Variants in BRD1 observed in about 807,000 individuals in gnomAD.
BRD1 encodes bromodomain-containing protein 1.
Under a neutral mutation model 107.7 loss-of-function variants are expected in BRD1, and 24 were observed. The observed-to-expected ratio is 0.22, with a 90% CI of 0.16 to 0.31. BRD1 has a LOEUF of 0.31. Ranked by LOEUF, BRD1 falls within the 10% of genes least tolerant of loss-of-function variation. The probability of loss-of-function intolerance (pLI) is 1.00; values close to 1 mark genes in which losing one functional copy is unlikely to be tolerated. For missense variants in BRD1, 1,279 were observed against 1,638.6 expected (o/e 0.78, Z 3.79); for synonymous variants, 744 against 686.1 (o/e 1.08, Z -1.32).
Position 49,818,351 on chromosome 22 carries a change from T to G in BRD1, c.1367+4600A>C, listed in dbSNP as rs922788843. ...GTCTGCCTGCTGATCACAGTCTCTT[T>G]TAAGACACTTTCTACTTTGCATTCT... On this transcript the variant is annotated intron_variant, in intron 2 of 12. Coordinates refer to ENST00000404760, the MANE Select transcript of BRD1 (RefSeq NM_001304808.3). 1.1e-5 allele frequency: 14 copies of G among 1,251,108 alleles called. No homozygotes were observed. The East Asian group carries it at 6.3e-4, about 57-fold the overall frequency. 77.5% of individuals were successfully genotyped at this position (1,251,108 alleles called of 1,614,324 possible). A position where few individuals can be genotyped will look rare whatever the true frequency, so the allele number is the denominator to read the frequency against.
intron 8 of BRD1, among the ~76,000 whole-genome samples, chr22:49,779,931 C>A (rs916734801): frequency 1.3e-5 from 2 of 152,168 alleles, no homozygotes; most frequent in Non-Finnish European, 2.9e-5. Flanking sequence ...CAGAGAGCAG[C>A]CACGAGCCTG....
intron 11 of BRD1, 70 bp from the exon 12 acceptor site, chr22:49,775,815 A>ACCGCCCC: frequency 8.8e-7 from 1 of 1,141,502 alleles, no homozygotes. Flanking sequence ...TGTCACTGGC[A>ACCGCCCC]CCCCCCCCCG....
intron 6 of BRD1, among the ~76,000 whole-genome samples, chr22:49,794,860 C>A (rs2059500590): frequency 6.6e-6 from 1 of 152,222 alleles, no homozygotes; most frequent in Non-Finnish European, 1.5e-5. Flanking sequence ...GACGTATTTA[C>A]TACAAAGTCC....
In BRD1 at chr22:49,794,218, G is replaced by A. The variant is rs557124526; in HGVS notation, c.2175C>T (p.Leu725=). The A allele has an allele frequency of 6.3e-5, 101 of 1,614,154 alleles. No individual in the cohort carries two copies. Among genetic ancestry groups the A allele is most frequent in the East Asian group, 1.3e-4 (6 of 44,892 alleles). ...TGGACTTCATAGCGCAGGTGAGGTCGAGCATGTCCAGCAGCTCTCTCAGCT... is the reference window on the plus strand; with the variant it reads ...TGGACTTCATAGCGCAGGTGAGGTCAAGCATGTCCAGCAGCTCTCTCAGCT... ...EEQLRELLDM[L]DLTCAMKSSG... Residue 725 remains leucine (L), a synonymous_variant, in exon 7 of 13, where the codon CTC becomes CTT. Coordinates refer to ENST00000404760, the MANE Select transcript of BRD1 (RefSeq NM_001304808.3).
intron 8 of BRD1, among the ~76,000 whole-genome samples, chr22:49,779,833 C>G (rs890984694): frequency 6.6e-6 from 1 of 152,092 alleles, no homozygotes; most frequent in Non-Finnish European, 1.5e-5. Flanking sequence ...CAGCTCGCAT[C>G]AGCAGTGGAC....
rs550011537 is a variant in BRD1 at position 49,818,424 on chromosome 22, T to C, written c.1367+4527A>G. 4 of 1,059,440 alleles carry C rather than the reference T, an allele frequency of 3.8e-6. No homozygotes were observed. The Admixed American group carries it at 1.7e-4, about 46-fold the overall frequency. The allele number at this position is 1,059,440 out of a possible 1,614,324, so 65.6% of individuals were successfully genotyped here. ...AACAGATTATGCGTGTATTTATCCC[T>C]CATTTCATGCAATAACCAAAAAGAG... is the stretch of plus-strand genomic sequence containing the variant. On this transcript the variant is annotated intron_variant, in intron 2 of 12. Coordinates refer to ENST00000404760, the MANE Select transcript of BRD1 (RefSeq NM_001304808.3).
At chr22:49,777,570 C>T (rs2059124951) in intron 9 of BRD1, 108 bp downstream of exon 9, 41 of 1,470,384 alleles carry the variant, frequency 2.8e-5, no homozygotes, top group Non-Finnish European at 3.7e-5. Context: ...CAGAATTTTT[C>T]AGAGAACACT....
intron 11 of BRD1, 78 bp from the exon 12 acceptor site, chr22:49,775,823 C>A: frequency 7.3e-6 from 10 of 1,361,956 alleles, no homozygotes; most frequent in South Asian, 4.8e-5. Flanking sequence ...GCACCCCCCC[C>A]CGCCTCCCCA....
chr22:49,790,693 C>T (rs1320888363), intron 7 of BRD1, among the ~76,000 whole-genome samples: 1 of 152,250 alleles, frequency 6.6e-6, no homozygotes, highest in East Asian at 1.9e-4. Context: ...GCAGACATTT[C>T]AGCTCACGAG....
In BRD1 at chr22:49,797,971, C is replaced by G; in HGVS notation, c.1932G>C (p.Arg644Ser). The G allele has an allele frequency of 1.9e-6, 3 of 1,614,176 alleles. No individual in the cohort carries two copies. The highest frequency in any genetic ancestry group is 2.5e-6 in the Non-Finnish European group (3 of 1,180,040). Residue 644 changes from arginine (R) to serine (S), a missense_variant, in exon 6 of 13, where the codon AGG (arginine) becomes AGC (serine). By Grantham distance (110) the Arg-to-Ser change is moderately radical. Transcript: ENST00000404760. Reference protein sequence around the residue: ...IIDNCMKYNARDTVFYRAAVR... With the variant: ...IIDNCMKYNASDTVFYRAAVR... ...CCGCGGCTCTATAGAACACGGTGTC[C>G]CTGGCATTGTACTTCATGCAGTTAT... is the stretch of plus-strand genomic sequence containing the variant.
chr22:49,823,778 G>T lies in BRD1; in HGVS notation c.540C>A (p.Ala180=), dbSNP rs372788569. Residue 180 remains alanine, a synonymous_variant, in exon 2 of 13, where the codon GCC becomes GCA. Transcript: ENST00000404760. ...NEKRKGDCVP[A]VSQSMFEFLM... is the part of the protein sequence containing the mutation. ...GGAACTCAAACATGCTCTGCGACAC[G>T]GCGGGGACGCAGTCGCCCTTGCGCT... 1.2e-6 allele frequency: 2 copies of T among 1,614,140 alleles called. No homozygotes were observed. The highest frequency in any genetic ancestry group is 1.7e-6 in the Non-Finnish European group (2 of 1,180,042).
At chr22:49,800,922 C>A (rs566389956) in intron 3 of BRD1, among the ~76,000 whole-genome samples, 5 of 52,714 alleles carry the variant, frequency 9.5e-5, no homozygotes, top group African/African-American at 4.2e-4. Flanking sequence ...AGGTTAAAAT[C>A]GCCTCTGCTG....
chr22:49,797,900 C>T lies in BRD1; in HGVS notation c.2003G>A (p.Arg668His), dbSNP rs1271674831. ...TTCCAAGCCGATGCTGTCCACCTCG[C>T]GCCGGGCCTGCCTCAGAACAACACC... Reference protein sequence around the residue: ...QGGVVLRQARREVDSIGLEEA... With the variant: ...QGGVVLRQARHEVDSIGLEEA... Residue 668 changes from arginine to histidine, a missense_variant, in exon 6 of 13, where the codon CGC becomes CAC. Arg to His is a conservative substitution (Grantham distance 29). Transcript: ENST00000404760. The T allele has an allele frequency of 3.1e-6, 5 of 1,613,966 alleles. No individual in the cohort carries two copies. Among genetic ancestry groups the T allele is most frequent in the East Asian group, 2.2e-5 (1 of 44,890 alleles).
chr22:49,804,108 G>T, intron 3 of BRD1, 96 bp downstream of exon 3: 1 of 1,098,100 alleles, frequency 9.1e-7, no homozygotes, highest in South Asian at 2.0e-5. Context: ...CCTGAGCCCA[G>T]GGGGCAGCAC....
intron 7 of BRD1, among the ~76,000 whole-genome samples, chr22:49,793,825 C>T (rs967963687): frequency 6.6e-6 from 1 of 152,222 alleles, no homozygotes; most frequent in Non-Finnish European, 1.5e-5. Context: ...AAAACACAGA[C>T]AGCACAAATG....
intron 6 of BRD1, among the ~76,000 whole-genome samples, chr22:49,796,776 G>A (rs529127715): frequency 5.9e-5 from 9 of 152,376 alleles, no homozygotes; most frequent in East Asian, 1.9e-4. Flanking sequence ...AACAGAGGGC[G>A]AAGCAACGAT....
At chr22:49,798,287 A>G (rs2059573254) in intron 5 of BRD1, among the ~76,000 whole-genome samples, 170 bp from the exon 6 acceptor site, 2 of 152,210 alleles carry the variant, frequency 1.3e-5, no homozygotes, top group African/African-American at 2.4e-5. Context: ...TCCCGACCCC[A>G]GCTCCTTCAG....
At chr22:49,795,768 C>G (rs895231139) in intron 6 of BRD1, among the ~76,000 whole-genome samples, 1 of 152,166 alleles carries the variant, frequency 6.6e-6, no homozygotes, top group African/African-American at 2.4e-5. Flanking sequence ...CTGTGGGAGG[C>G]GGGGGAAGCT....
rs144749622 is a variant in BRD1, at chr22:49,824,014, C to T, written c.304G>A (p.Glu102Lys). 3.7e-6 allele frequency: 6 copies of T among 1,613,758 alleles called. No individual in the cohort carries two copies. Among genetic ancestry groups the T allele is most frequent in the East Asian group, 4.5e-5 (2 of 44,898 alleles). ...HKNNRVKKKN[E>K]ALPSAHGTPA... is the part of the protein sequence containing the mutation. ...GTGCCGTGGGCGCTGGGGAGGGCCT[C>T]GTTTTTCTTTTTGACTCTGTTGTTT... The change falls in exon 2 of 13, where the codon GAG (glutamate) becomes AAG (lysine). Residue 102 changes from glutamate to lysine, a missense_variant. Transcript: ENST00000404760. The surrounding 1 kb of genome is among the most constrained non-coding windows in gnomAD (Gnocchi z 5.9).
Sources: gnomAD v4.1 joint callset for allele counts (sites outside exome capture counted in the v4.1 genomes callset) on GRCh38, gnomAD v4.1.1 for gene constraint, Gnocchi (gnomAD v3.1) non-coding constraint, MANE v1.5 for transcripts, NCBI Gene and HGNC (gene_info 2026-07-23, HGNC 2026-07-21) for gene names.